The following FOXE1 variants were observed in gnomAD, a reference collection of about 807,000 sequenced individuals.
FOXE1 encodes the protein forkhead box protein E1.
In FOXE1, 4 loss-of-function variants were observed where a neutral mutation model predicts 2.1. The ratio of observed to expected loss-of-function variants is 1.91; its 90% CI spans 0.94 to 4.37. The LOEUF (loss-of-function observed/expected upper bound fraction) is 4.37, where lower values mean the gene tolerates loss of function less well. Ranked by LOEUF, FOXE1 falls within the 30% of genes most tolerant of loss-of-function variation. The probability of loss-of-function intolerance (pLI) is 0.01; values close to 1 mark genes in which losing one functional copy is unlikely to be tolerated. For missense variants in FOXE1, 574 were observed against 583.3 expected (o/e 0.98, Z 0.16); for synonymous variants, 277 against 272.4 (o/e 1.02, Z -0.17).
At position 97,853,235 on chromosome 9, in the gene FOXE1, C is replaced by G. The variant is rs536198571; in HGVS notation, c.-680C>G. On this transcript the variant is annotated 5_prime_UTR_variant, in exon 1 of 1. Coordinates refer to ENST00000375123, the MANE Select transcript of FOXE1 (RefSeq NM_004473.4). ...AAGCCGGCGGAGGGAGGAGCCGGTC[C>G]GGTGTGTGCAGGGGAGCGCCTCGCC... 6.6e-6 allele frequency: 1 copy of G among 152,596 alleles called. No homozygotes were observed. The highest frequency in any genetic ancestry group is 1.9e-4 in the East Asian group (1 of 5,166). 9.5% of individuals were successfully genotyped at this position (152,596 alleles called of 1,614,324 possible).
At position 97,854,385 on chromosome 9, in the gene FOXE1, C is replaced by A; in HGVS notation, c.471C>A (p.Tyr157Ter). ...KRFKRSDLST[Y>*]PAYMHDAAAA... Reference sequence around the variant, plus strand: ...TCAAGCGCTCGGACCTCTCCACCTACCCGGCTTACATGCACGACGCGGCGG... The same window carrying A: ...TCAAGCGCTCGGACCTCTCCACCTAACCGGCTTACATGCACGACGCGGCGG... The change falls in exon 1 of 1, where the codon TAC becomes TAA. Residue 157 changes from tyrosine to a stop codon, truncating the protein, a stop_gained. Coordinates refer to ENST00000375123, the MANE Select transcript of FOXE1 (RefSeq NM_004473.4). LOFTEE classifies it low-confidence loss of function (END_TRUNC). 1 of 1,500,216 alleles carries A rather than the reference C, an allele frequency of 6.7e-7. No homozygotes were observed. Among genetic ancestry groups the A allele is most frequent in the South Asian group, 1.3e-5 (1 of 74,982 alleles). The allele number at this position is 1,500,216 out of a possible 1,614,324, so 92.9% of individuals were successfully genotyped here. A position where few individuals can be genotyped will look rare whatever the true frequency, so the allele number is the denominator to read the frequency against.
rs565079882 is a variant in FOXE1 at position 97,855,004 on chromosome 9, G to A, written c.1090G>A (p.Gly364Ser). The A allele has an allele frequency of 1.2e-5, 20 of 1,609,940 alleles. No individual in the cohort carries two copies. The East Asian group carries it at 3.8e-4, about 30-fold the overall frequency. The change falls in exon 1 of 1, where the codon GGT becomes AGT. Residue 364 changes from glycine (G) to serine (S), a missense_variant. Coordinates refer to ENST00000375123, the MANE Select transcript of FOXE1 (RefSeq NM_004473.4). Reference sequence around the variant, plus strand: ...TGCTCGCCATGCTGCCGCTTATCCCGGTGGGATAGATCGGTTCGTGTCCGC... The same window carrying A: ...TGCTCGCCATGCTGCCGCTTATCCCAGTGGGATAGATCGGTTCGTGTCCGC... The part of the protein sequence containing the change: ...YHARHAAAYP[G>S]GIDRFVSAM
Position 97,854,740 on chromosome 9 carries a change from G to A in FOXE1, c.826G>A (p.Ala276Thr), listed in dbSNP as rs1036653031. Reference sequence around the variant, plus strand: ...CGGGGCCCGGCCGGCCAACCCCTCCGCCTATGCGGCTGCCTACGCGGGCCC... The same window carrying A: ...CGGGGCCCGGCCGGCCAACCCCTCCACCTATGCGGCTGCCTACGCGGGCCC... ...CTGARPANPS[A>T]YAAAYAGPDG... Residue 276 changes from alanine (A) to threonine (T), a missense_variant, in exon 1 of 1, where the codon GCC becomes ACC. By Grantham distance (58) the Ala-to-Thr change is moderately conservative (BLOSUM62 0). Around this residue, in one of 3 missense-constraint regions of FOXE1, gnomAD observed 316 missense variants for 288.4 expected, o/e 1.10. Transcript: ENST00000375123. 3.4e-6 allele frequency: 5 copies of A among 1,469,556 alleles called. No individual in the cohort carries two copies. The highest frequency in any genetic ancestry group is 2.7e-6 in the Non-Finnish European group (3 of 1,120,752). The allele number at this position is 1,469,556 out of a possible 1,614,324, so 91.0% of individuals were successfully genotyped here.
Position 97,854,022 on chromosome 9 carries a change from G to T in FOXE1, c.108G>T (p.Thr36=). ...GGGCCGGGGTCCCAGGGGAGGCCACGGGCCGCGGGGCGGGCGGGCGGCGCC... is the reference window on the plus strand; with the variant it reads ...GGGCCGGGGTCCCAGGGGAGGCCACTGGCCGCGGGGCGGGCGGGCGGCGCC... The part of the protein sequence containing the change: ...AAGAGVPGEA[T]GRGAGGRRRK... Residue 36 remains threonine (T), a synonymous_variant, in exon 1 of 1, where the codon ACG becomes ACT. Coordinates refer to ENST00000375123, the MANE Select transcript of FOXE1 (RefSeq NM_004473.4). 1 of 1,410,064 alleles carries T rather than the reference G, an allele frequency of 7.1e-7. No individual in the cohort carries two copies. Among genetic ancestry groups the T allele is most frequent in the Non-Finnish European group, 9.2e-7 (1 of 1,086,380 alleles). 87.3% of individuals were successfully genotyped at this position (1,410,064 alleles called of 1,614,324 possible).
In FOXE1 at chr9:97,854,463, C is replaced by G; in HGVS notation, c.549C>G (p.Gly183=). 8.1e-7 allele frequency: 1 copy of G among 1,235,970 alleles called. No homozygotes were observed. The highest frequency in any genetic ancestry group is 1.0e-6 in the Non-Finnish European group (1 of 991,722). The allele number at this position is 1,235,970 out of a possible 1,614,324, so 76.6% of individuals were successfully genotyped here. A position where few individuals can be genotyped will look rare whatever the true frequency, so the allele number is the denominator to read the frequency against. Residue 183 remains glycine, a synonymous_variant, in exon 1 of 1, where the codon GGC becomes GGG. Coordinates refer to ENST00000375123, the MANE Select transcript of FOXE1 (RefSeq NM_004473.4). The part of the protein sequence containing the change: ...AAAAAAAIFP[G]AVPAARPPYP... ...CCGCCGCCGCCGCCATCTTCCCAGG[C>G]GCGGTGCCCGCCGCGCGCCCCCCCT...
Position 97,854,013 on chromosome 9 carries a change from G to A in FOXE1, c.99G>A (p.Gly33=). 7.2e-7 allele frequency: 1 copy of A among 1,393,304 alleles called. No homozygotes were observed. The highest frequency in any genetic ancestry group is 1.7e-5 in the South Asian group (1 of 58,230). 86.3% of individuals were successfully genotyped at this position (1,393,304 alleles called of 1,614,324 possible). The change falls in exon 1 of 1, where the codon GGG becomes GGA. Residue 33 remains glycine (G), a synonymous_variant. Coordinates refer to ENST00000375123, the MANE Select transcript of FOXE1 (RefSeq NM_004473.4). ...CGGCAGCAGGGGCCGGGGTCCCAGG[G>A]GAGGCCACGGGCCGCGGGGCGGGCG... is the stretch of plus-strand genomic sequence containing the variant. ...GETAAGAGVP[G]EATGRGAGGR...
chr9:97,854,826 G>T lies in FOXE1; in HGVS notation c.912G>T (p.Ala304=). Residue 304 remains alanine, a synonymous_variant, in exon 1 of 1, where the codon GCG becomes GCT. Coordinates refer to ENST00000375123, the MANE Select transcript of FOXE1 (RefSeq NM_004473.4). ...SAIFAAAGRL[A]GPASPPAGGS... The stretch of plus-strand genomic sequence containing the variant: ...TCTTTGCCGCTGCTGGCCGCCTGGC[G>T]GGACCCGCTTCGCCCCCAGCGGGCG... The T allele has an allele frequency of 6.5e-7, 1 of 1,538,812 alleles. No individual in the cohort carries two copies. Among genetic ancestry groups the T allele is most frequent in the East Asian group, 2.4e-5 (1 of 41,420 alleles).
rs1221308290 is a variant in FOXE1, at chr9:97,854,748, G to A, written c.834G>A (p.Ala278=). 1.4e-6 allele frequency: 2 copies of A among 1,473,690 alleles called. No individual in the cohort carries two copies. The highest frequency in any genetic ancestry group is 1.5e-5 in the African/African-American group (1 of 68,652). 91.3% of individuals were successfully genotyped at this position (1,473,690 alleles called of 1,614,324 possible). The change falls in exon 1 of 1, where the codon GCG becomes GCA. Residue 278 remains alanine (A), a synonymous_variant. Coordinates refer to ENST00000375123, the MANE Select transcript of FOXE1 (RefSeq NM_004473.4). ...GGCCGGCCAACCCCTCCGCCTATGC[G>A]GCTGCCTACGCGGGCCCCGACGGCG... ...GARPANPSAY[A]AAYAGPDGAY...
At position 97,854,522 on chromosome 9, in the gene FOXE1, C is replaced by A; in HGVS notation, c.608C>A (p.Pro203Gln). 5 of 1,253,374 alleles carry A rather than the reference C, an allele frequency of 4.0e-6. No homozygotes were observed. The highest frequency in any genetic ancestry group is 5.0e-6 in the Non-Finnish European group (5 of 1,003,290). 77.6% of individuals were successfully genotyped at this position (1,253,374 alleles called of 1,614,324 possible). The change falls in exon 1 of 1, where the codon CCG becomes CAG. Residue 203 changes from proline (P) to glutamine (Q), a missense_variant. This residue lies in a region of FOXE1 where 316 missense variants were observed against 288.4 expected (regional missense o/e 1.10). Coordinates refer to ENST00000375123, the MANE Select transcript of FOXE1 (RefSeq NM_004473.4). ...PGAVYAGYAPPSLAAPPPVYY... is the reference protein window; with the variant it reads ...PGAVYAGYAPQSLAAPPPVYY... ...GCCGTCTATGCAGGCTACGCGCCGC[C>A]GTCGCTGGCCGCGCCGCCTCCAGTC...
rs1830632362 is a variant in FOXE1 at position 97,854,259 on chromosome 9, G to C, written c.345G>C (p.Pro115=). The part of the protein sequence containing the change: ...LTLNDCFLKI[P]REAGRPGKGN... ...TCAACGACTGCTTCCTCAAGATCCC[G>C]CGCGAGGCCGGCCGCCCGGGTAAGG... The change falls in exon 1 of 1, where the codon CCG becomes CCC. Residue 115 remains proline, a synonymous_variant. Coordinates refer to ENST00000375123, the MANE Select transcript of FOXE1 (RefSeq NM_004473.4). The C allele has an allele frequency of 2.5e-6, 4 of 1,612,806 alleles. No homozygotes were observed. The highest frequency in any genetic ancestry group is 1.7e-6 in the Non-Finnish European group (2 of 1,179,626).
Position 97,854,883 on chromosome 9 carries a change from C to A in FOXE1, c.969C>A (p.Asp323Glu), listed in dbSNP as rs1011562667. The A allele has an allele frequency of 6.3e-7, 1 of 1,585,814 alleles. No individual in the cohort carries two copies. Among genetic ancestry groups the A allele is most frequent in the Non-Finnish European group, 8.5e-7 (1 of 1,174,298 alleles). ...GTGGCGGCGTGGAGACCACGGTGGACTTCTACGGGCGCACGTCGCCCGGCC... is the reference window on the plus strand; with the variant it reads ...GTGGCGGCGTGGAGACCACGGTGGAATTCTACGGGCGCACGTCGCCCGGCC... ...GSSGGVETTV[D>E]FYGRTSPGQF... is the part of the protein sequence containing the mutation. Residue 323 changes from aspartate to glutamate, a missense_variant, in exon 1 of 1, where the codon GAC becomes GAA. Coordinates refer to ENST00000375123, the MANE Select transcript of FOXE1 (RefSeq NM_004473.4).
rs762867846 is a variant in FOXE1, at chr9:97,854,212, A to C, written c.298A>C (p.Ser100Arg). The stretch of plus-strand genomic sequence containing the variant: ...CGACAACCCCAAAAAGTGGCAGAAC[A>C]GCATCCGCCACAACCTCACACTCAA... Reference protein sequence around the residue: ...YRDNPKKWQNSIRHNLTLNDC... With the variant: ...YRDNPKKWQNRIRHNLTLNDC... Residue 100 changes from serine (S) to arginine (R), a missense_variant, in exon 1 of 1, where the codon AGC (serine) becomes CGC (arginine). Ser to Arg is a moderately radical substitution (Grantham distance 110, BLOSUM62 -1). Around this residue, in one of 3 missense-constraint regions of FOXE1, gnomAD observed 249 missense variants for 269.6 expected, o/e 0.92. Transcript: ENST00000375123. 2 of 1,612,988 alleles carry C rather than the reference A, an allele frequency of 1.2e-6. No individual in the cohort carries two copies. The highest frequency in any genetic ancestry group is 3.3e-5 in the Admixed American group (2 of 59,978).
Position 97,856,613 on chromosome 9 carries a change from T to C in FOXE1, c.*1577T>C, listed in dbSNP as rs1428519888. 1.2e-5 allele frequency: 2 copies of C among 167,098 alleles called. No homozygotes were observed. Among genetic ancestry groups the C allele is most frequent in the African/African-American group, 4.8e-5 (2 of 41,460 alleles). 10.4% of individuals were successfully genotyped at this position (167,098 alleles called of 1,614,324 possible). A position where few individuals can be genotyped will look rare whatever the true frequency, so the allele number is the denominator to read the frequency against. ...ACATGTGAACTTGGTTCAGTCCAAA[T>C]GGGGATTTGTATAAACCAGTGCTCT... is the stretch of plus-strand genomic sequence containing the variant. On this transcript the variant is annotated 3_prime_UTR_variant, in exon 1 of 1. Coordinates refer to ENST00000375123, the MANE Select transcript of FOXE1 (RefSeq NM_004473.4).
Position 97,853,935 on chromosome 9 carries a change from G to A in FOXE1, c.21G>A (p.Pro7=), listed in dbSNP as rs1192487497. 7 of 1,298,168 alleles carry A rather than the reference G, an allele frequency of 5.4e-6. No individual in the cohort carries two copies. Among genetic ancestry groups the A allele is most frequent in the South Asian group, 2.6e-5 (1 of 38,976 alleles). The allele number at this position is 1,298,168 out of a possible 1,614,324, so 80.4% of individuals were successfully genotyped here. A position where few individuals can be genotyped will look rare whatever the true frequency, so the allele number is the denominator to read the frequency against. Residue 7 remains proline (P), a synonymous_variant, in exon 1 of 1, where the codon CCG becomes CCA. Transcript: ENST00000375123. The stretch of plus-strand genomic sequence containing the variant: ...GCGCCATGACTGCCGAGAGCGGGCC[G>A]CCGCCGCCGCAGCCGGAGGTGCTGG... MTAESG[P]PPPQPEVLAT...
rs750619546 is a variant in FOXE1, at chr9:97,854,316, G to A, written c.402G>A (p.Glu134=). ...GNYWALDPNA[E]DMFESGSFLR... is the part of the protein sequence containing the mutation. ...ACTGGGCGCTTGACCCCAACGCGGAGGACATGTTCGAGAGCGGCAGCTTCC... is the reference window on the plus strand; with the variant it reads ...ACTGGGCGCTTGACCCCAACGCGGAAGACATGTTCGAGAGCGGCAGCTTCC... The change falls in exon 1 of 1, where the codon GAG becomes GAA. Residue 134 remains glutamate, a synonymous_variant. Transcript: ENST00000375123. 1.9e-6 allele frequency: 3 copies of A among 1,609,428 alleles called. No homozygotes were observed. Among genetic ancestry groups the A allele is most frequent in the Admixed American group, 1.7e-5 (1 of 59,624 alleles).
chr9:97,854,393 A>G lies in FOXE1; in HGVS notation c.479A>G (p.Tyr160Cys), dbSNP rs763206627. Residue 160 changes from tyrosine (Y) to cysteine (C), a missense_variant, in exon 1 of 1, where the codon TAC becomes TGC. Tyr to Cys is a radical substitution (Grantham distance 194, BLOSUM62 -2). This residue lies in a region of FOXE1 where 249 missense variants were observed against 269.6 expected (regional missense o/e 0.92). Coordinates refer to ENST00000375123, the MANE Select transcript of FOXE1 (RefSeq NM_004473.4). ...TCGGACCTCTCCACCTACCCGGCTT[A>G]CATGCACGACGCGGCGGCTGCCGCA... ...KRSDLSTYPAYMHDAAAAAAA... is the reference protein window; with the variant it reads ...KRSDLSTYPACMHDAAAAAAA... 7.2e-7 allele frequency: 1 copy of G among 1,382,276 alleles called. No homozygotes were observed. The highest frequency in any genetic ancestry group is 9.4e-7 in the Non-Finnish European group (1 of 1,067,824). 85.6% of individuals were successfully genotyped at this position (1,382,276 alleles called of 1,614,324 possible).
In FOXE1 at chr9:97,853,866, C is replaced by A; in HGVS notation, c.-49C>A. On this transcript the variant is annotated 5_prime_UTR_variant, in exon 1 of 1. Coordinates refer to ENST00000375123, the MANE Select transcript of FOXE1 (RefSeq NM_004473.4). ...GGGGACGCCAGGCCCGCCCCCGCCC[C>A]CCGACAGCCGCGGGGATCCAGAGCC... 1 of 1,247,528 alleles carries A rather than the reference C, an allele frequency of 8.0e-7. No homozygotes were observed. Among genetic ancestry groups the A allele is most frequent in the South Asian group, 3.3e-5 (1 of 30,100 alleles). 77.3% of individuals were successfully genotyped at this position (1,247,528 alleles called of 1,614,324 possible). A position where few individuals can be genotyped will look rare whatever the true frequency, so the allele number is the denominator to read the frequency against.
rs1327780683 is a variant in FOXE1, at chr9:97,853,887, G to C, written c.-28G>C. 4.8e-6 allele frequency: 6 copies of C among 1,262,794 alleles called. No individual in the cohort carries two copies. In the Admixed American group the frequency reaches 2.1e-4, roughly 45 times the overall value. 78.2% of individuals were successfully genotyped at this position (1,262,794 alleles called of 1,614,324 possible). A position where few individuals can be genotyped will look rare whatever the true frequency, so the allele number is the denominator to read the frequency against. ...GCCCCCCGACAGCCGCGGGGATCCA[G>C]AGCCCGGGGGTGCGGGACGCCCGCG... is the stretch of plus-strand genomic sequence containing the variant. On this transcript the variant is annotated 5_prime_UTR_variant, in exon 1 of 1. Coordinates refer to ENST00000375123, the MANE Select transcript of FOXE1 (RefSeq NM_004473.4).
In FOXE1 at chr9:97,854,607, G is replaced by T; in HGVS notation, c.693G>T (p.Pro231=). ...CRVFGLVPER[P]LSPELGPAPS... is the part of the protein sequence containing the mutation. ...TCTTCGGCCTGGTTCCTGAGCGGCC[G>T]CTCAGCCCAGAGCTGGGGCCCGCAC... The change falls in exon 1 of 1, where the codon CCG becomes CCT. Residue 231 remains proline (P), a synonymous_variant. Transcript: ENST00000375123. 7.3e-7 allele frequency: 1 copy of T among 1,361,762 alleles called. No homozygotes were observed. Among genetic ancestry groups the T allele is most frequent in the South Asian group, 1.7e-5 (1 of 57,344 alleles). The allele number at this position is 1,361,762 out of a possible 1,614,324, so 84.4% of individuals were successfully genotyped here.
Sources: gnomAD v4.1 joint callset for allele counts on GRCh38, gnomAD v4.1.1 for gene constraint, gnomAD v4.1.1 regional missense constraint, MANE v1.5 for transcripts, NCBI Gene and HGNC (gene_info 2026-07-23, HGNC 2026-07-21) for gene names.